Variants in PRKCI observed in about 807,000 individuals in gnomAD.
PRKCI encodes the protein protein kinase C iota, also known as protein kinase C iota type.
PRKCI carries 43 observed loss-of-function variants against 84.0 expected under a neutral mutation model. The observed-to-expected ratio is 0.51, with a 90% CI of 0.40 to 0.66. The LOEUF is 0.66. Among genes scored for constraint, PRKCI ranks in the 30% least tolerant of loss-of-function variants. The probability of loss-of-function intolerance (pLI) is 0.00; values close to 1 mark genes in which losing one functional copy is unlikely to be tolerated. For synonymous variants in PRKCI, 216 were observed against 234.4 expected, an observed-to-expected ratio of 0.92 and a Z score of 0.72; for missense variants, 459 against 745.6, an observed-to-expected ratio of 0.62 and a Z score of 4.48.
intron 3 of PRKCI, among the ~76,000 whole-genome samples, chr3:170,261,299 A>G (rs1733720322): frequency 6.6e-6 from 1 of 151,850 alleles, no homozygotes. Flanking sequence ...TAATTGCAAT[A>G]TATTGACAGT....
intron 9 of PRKCI, 135 bp from the exon 10 acceptor site, chr3:170,281,031 C>A: frequency 1.7e-6 from 1 of 591,576 alleles, no homozygotes; most frequent in Non-Finnish European, 2.9e-6. Context: ...TGTAAATTTT[C>A]GTTTCATGAT....
chr3:170,293,345 A>G, intron 13 of PRKCI, 38 bp from the exon 14 acceptor site: 1 of 1,561,560 alleles, frequency 6.4e-7, no homozygotes, highest in Non-Finnish European at 8.7e-7. Flanking sequence ...CAAGAATGCA[A>G]AGTGTATAAT....
At chr3:170,252,622 A>T (rs1190916447) in intron 2 of PRKCI, among the ~76,000 whole-genome samples, 1 of 147,420 alleles carries the variant, frequency 6.8e-6, no homozygotes, top group Admixed American at 6.9e-5. Flanking sequence ...TTTTTCTGAG[A>T]CAGTGTCTCA....
chr3:170,270,915 A>G (rs959182682), intron 6 of PRKCI, among the ~76,000 whole-genome samples: 1 of 152,166 alleles, frequency 6.6e-6, no homozygotes, highest in Non-Finnish European at 1.5e-5. Flanking sequence ...TCCTAAGCAG[A>G]TATCAGGTAA....
chr3:170,281,745 T>G, intron 10 of PRKCI, 137 bp from the exon 11 acceptor site: 3 of 1,240,046 alleles, frequency 2.4e-6, no homozygotes, highest in Admixed American at 3.4e-5. Context: ...AGATACCCTT[T>G]GTTTCCACCA....
intron 1 of PRKCI, among the ~76,000 whole-genome samples, chr3:170,234,691 C>G (rs1732899057): frequency 6.6e-6 from 1 of 152,088 alleles, no homozygotes; most frequent in Non-Finnish European, 1.5e-5. Context: ...TTAAATCAAG[C>G]AATTCTCTTT....
rs1017591741 is a variant in PRKCI, at chr3:170,304,493, A to G, written c.*1366A>G. The G allele has an allele frequency of 4.6e-5, 7 of 152,196 alleles. No homozygotes were observed. The highest frequency in any genetic ancestry group is 1.4e-4 in the African/African-American group (6 of 41,456). 9.4% of individuals were successfully genotyped at this position (152,196 alleles called of 1,614,324 possible). ...CTCATTTCTTCCCCTAAACCACATTATCTATATGATTGGACCCTTTAGTGA... is the reference window on the plus strand; with the variant it reads ...CTCATTTCTTCCCCTAAACCACATTGTCTATATGATTGGACCCTTTAGTGA... On this transcript the variant is annotated 3_prime_UTR_variant, in exon 18 of 18. Coordinates refer to ENST00000295797, the MANE Select transcript of PRKCI (RefSeq NM_002740.6).
chr3:170,248,380 GAA>G (rs34316499), intron 2 of PRKCI, among the ~76,000 whole-genome samples: 46,314 of 139,734 alleles, frequency 0.33, 7,359 homozygotes, highest in South Asian at 0.44. Flanking sequence ...TTGGGGGGGG[GAA>G]AAAACCTGCT....
chr3:170,253,718 G>A (rs1392872625), intron 2 of PRKCI, among the ~76,000 whole-genome samples: 1 of 152,136 alleles, frequency 6.6e-6, no homozygotes, highest in Non-Finnish European at 1.5e-5. Context: ...ATGAACCTGG[G>A]AGGCAGAGCT....
At chr3:170,303,003 G>A (rs747551613) in intron 17 of PRKCI, 37 bp from the exon 18 acceptor site, 2 of 1,429,336 alleles carry the variant, frequency 1.4e-6, no homozygotes, top group Admixed American at 3.6e-5. Flanking sequence ...AAGAAATCTT[G>A]ATTATGATGA....
At chr3:170,284,701 TTTAC>T (rs1422681882) in intron 12 of PRKCI, 105 bp downstream of exon 12, 3 of 1,324,236 alleles carry the variant, frequency 2.3e-6, no homozygotes, top group East Asian at 5.0e-5. Context: ...ATTTTGCTAA[TTTAC>T]TTAAGCTTTG....
At chr3:170,289,176 G>C (rs1734474829) in intron 12 of PRKCI, among the ~76,000 whole-genome samples, 1 of 152,202 alleles carries the variant, frequency 6.6e-6, no homozygotes, top group Middle Eastern at 3.4e-3. Context: ...TCTTACCTCT[G>C]ACTATTGTAC....
At chr3:170,272,772 T>C (rs1179320565) in intron 6 of PRKCI, among the ~76,000 whole-genome samples, 1 of 152,242 alleles carries the variant, frequency 6.6e-6, no homozygotes, top group Non-Finnish European at 1.5e-5. Context: ...CCTGAGATTA[T>C]TCGCCATTAT....
At chr3:170,241,151 T>C (rs1376136047) in intron 2 of PRKCI, among the ~76,000 whole-genome samples, 1 of 152,184 alleles carries the variant, frequency 6.6e-6, no homozygotes, top group Non-Finnish European at 1.5e-5. Flanking sequence ...TCAGGGTAAT[T>C]AACACATCTA....
chr3:170,295,863 A>G, intron 14 of PRKCI, 48 bp from the exon 15 acceptor site: 1 of 1,139,354 alleles, frequency 8.8e-7, no homozygotes. Flanking sequence ...AAAAAAGATT[A>G]AAGCCATGTA....
chr3:170,248,771 C>G (rs1733359213), intron 2 of PRKCI, among the ~76,000 whole-genome samples: 1 of 152,010 alleles, frequency 6.6e-6, no homozygotes, highest in Non-Finnish European at 1.5e-5. Flanking sequence ...TTTTAACTAA[C>G]AGCAAGCAGA....
At chr3:170,299,831 T>C (rs2108868673) in intron 17 of PRKCI, among the ~76,000 whole-genome samples, 1 of 152,328 alleles carries the variant, frequency 6.6e-6, no homozygotes, top group South Asian at 2.1e-4. Context: ...GGACTGTCTT[T>C]GAGTTCCTGA....
chr3:170,238,160 C>T (rs189171440), intron 2 of PRKCI, among the ~76,000 whole-genome samples: 4 of 152,126 alleles, frequency 2.6e-5, no homozygotes, highest in South Asian at 2.1e-4. Context: ...GTCAGGAGTT[C>T]GAGACCAGCC....
intron 17 of PRKCI, among the ~76,000 whole-genome samples, chr3:170,301,227 G>C (rs1734810933): frequency 6.6e-6 from 1 of 152,208 alleles, no homozygotes; most frequent in African/African-American, 2.4e-5. Context: ...TTAATCAAAA[G>C]ATAGGAGTTT....
Sources: gnomAD v4.1 joint callset for allele counts (sites outside exome capture counted in the v4.1 genomes callset) on GRCh38, gnomAD v4.1.1 for gene constraint, MANE v1.5 for transcripts, NCBI Gene and HGNC (gene_info 2026-07-23, HGNC 2026-07-21) for gene names.